NSG2: variants seen among roughly 807,000 people sequenced by gnomAD.
The protein encoded by NSG2 is neuronal vesicle trafficking-associated protein 2.
NSG2 carries 4 observed loss-of-function variants against 16.9 expected under a neutral mutation model. The ratio of observed to expected loss-of-function variants is 0.24; its 90% CI spans 0.12 to 0.54. The LOEUF is 0.54. Among genes scored for constraint, NSG2 ranks in the 20% least tolerant of loss-of-function variants. The probability of loss-of-function intolerance (pLI) is 0.95; values close to 1 mark genes in which losing one functional copy is unlikely to be tolerated. For synonymous variants in NSG2, 98 were observed against 88.7 expected (o/e 1.11, Z -0.59); for missense variants, 179 against 221.1 (o/e 0.81, Z 1.21).
intron 3 of NSG2, among the ~76,000 whole-genome samples, chr5:174,095,545 G>A (rs1760783442): frequency 6.6e-6 from 1 of 152,088 alleles, no homozygotes; most frequent in Non-Finnish European, 1.5e-5. Context: ...CTCTAATAGG[G>A]GCACTGCTTG....
intron 3 of NSG2, among the ~76,000 whole-genome samples, chr5:174,092,635 A>T (rs1158012797): frequency 6.6e-6 from 1 of 152,226 alleles, no homozygotes; most frequent in African/African-American, 2.4e-5. Flanking sequence ...TGACAACAAG[A>T]AGCATTAATT....
chr5:174,057,417 A>G lies in NSG2; in HGVS notation c.130-6815A>G, dbSNP rs143400566. On this transcript the variant is annotated intron_variant, in intron 2 of 4. Coordinates refer to ENST00000303177, the MANE Select transcript of NSG2 (RefSeq NM_015980.5). ...TTAATGCTTTCCCTTTCAGAGTACT[A>G]AAAAAAAGGAACTGTGACTTTATCG... 2.5e-3 allele frequency among the ~76,000 whole-genome samples: 374 copies of G among 152,100 alleles called. 1 individual carries two copies. Among genetic ancestry groups the G allele is most frequent in the African/African-American group, 8.1e-3 (336 of 41,480 alleles).
rs535893129 is a variant in NSG2 at position 174,047,217 on chromosome 5, C to T, written c.129+333C>T. 2.0e-5 allele frequency among the ~76,000 whole-genome samples: 3 copies of T among 152,218 alleles called. No individual in the cohort carries two copies. The South Asian group carries it at 6.2e-4, about 32-fold the overall frequency. On this transcript the variant is annotated intron_variant, in intron 2 of 4. Transcript: ENST00000303177. ...TCTTGATTATTTTGGGAAGGTCTTTCAAAAATTGACAGGTATAGATTTGAG... is the reference window on the plus strand; with the variant it reads ...TCTTGATTATTTTGGGAAGGTCTTTTAAAAATTGACAGGTATAGATTTGAG...
chr5:174,098,124 G>A (rs1760835829), intron 3 of NSG2, among the ~76,000 whole-genome samples: 1 of 152,156 alleles, frequency 6.6e-6, no homozygotes, highest in South Asian at 2.1e-4. Context: ...CAGGGCTGGA[G>A]CTGAATGCTG....
At chr5:174,064,504 G>A (rs1265888906) in intron 3 of NSG2, 189 bp downstream of exon 3, 3 of 450,882 alleles carry the variant, frequency 6.7e-6, no homozygotes, top group African/African-American at 3.9e-5. Flanking sequence ...TGCCTCTGAG[G>A]TCTATCATAT....
At chr5:174,100,319 C>A (rs917905037) in intron 3 of NSG2, among the ~76,000 whole-genome samples, 2 of 152,226 alleles carry the variant, frequency 1.3e-5, no homozygotes, top group Non-Finnish European at 2.9e-5. Context: ...ACTGCACCCC[C>A]AGAGATTCTG....
intron 3 of NSG2, among the ~76,000 whole-genome samples, chr5:174,096,858 C>T (rs1407425556): frequency 1.3e-5 from 2 of 152,124 alleles, no homozygotes; most frequent in Non-Finnish European, 2.9e-5. Flanking sequence ...GCAGCGCTGC[C>T]TCCTGCCACG....
chr5:174,048,621 A>G (rs1759837481), intron 2 of NSG2, among the ~76,000 whole-genome samples: 2 of 152,140 alleles, frequency 1.3e-5, no homozygotes, highest in Admixed American at 6.5e-5. Flanking sequence ...GAAGTGTGAA[A>G]AGAAAAGGGA....
intron 3 of NSG2, among the ~76,000 whole-genome samples, chr5:174,069,389 T>A (rs997803222): frequency 1.3e-5 from 2 of 152,106 alleles, no homozygotes; most frequent in African/African-American, 4.8e-5. Context: ...GAGTTTGGAT[T>A]TGGAAGTCAT....
chr5:174,049,288 T>C (rs1403226004), intron 2 of NSG2, among the ~76,000 whole-genome samples: 1 of 152,126 alleles, frequency 6.6e-6, no homozygotes, highest in East Asian at 1.9e-4. Context: ...TGCAGTGAGC[T>C]GAGATTGTGC....
At chr5:174,050,905 G>A (rs1344081463) in intron 2 of NSG2, among the ~76,000 whole-genome samples, 1 of 152,002 alleles carries the variant, frequency 6.6e-6, no homozygotes, top group African/African-American at 2.4e-5. Flanking sequence ...GCCTCCCCAG[G>A]GCTGTGCCTT....
chr5:174,047,007 T>A, intron 2 of NSG2, 123 bp downstream of exon 2: 1 of 957,628 alleles, frequency 1.0e-6, no homozygotes, highest in South Asian at 1.6e-5. Context: ...GCTCCCTTTC[T>A]TGTAAAATGT....
chr5:174,089,298 C>A (rs1760684368), intron 3 of NSG2, among the ~76,000 whole-genome samples: 1 of 152,198 alleles, frequency 6.6e-6, no homozygotes, highest in Admixed American at 6.5e-5. Flanking sequence ...GATTCCTGTC[C>A]TGTTGTGCCC....
intron 3 of NSG2, among the ~76,000 whole-genome samples, chr5:174,067,916 C>T (rs529838468): frequency 2.0e-5 from 3 of 152,098 alleles, no homozygotes; most frequent in East Asian, 3.9e-4. Flanking sequence ...TGGGGGGATG[C>T]TCTGAGTGTG....
intron 3 of NSG2, among the ~76,000 whole-genome samples, chr5:174,085,356 T>G (rs1258730023): frequency 6.6e-6 from 1 of 152,000 alleles, no homozygotes. Flanking sequence ...GAGCAGAGAT[T>G]AAATCCTAGT....
intron 3 of NSG2, among the ~76,000 whole-genome samples, chr5:174,096,387 G>T (rs1387542799): frequency 2.0e-5 from 3 of 152,134 alleles, no homozygotes; most frequent in African/African-American, 7.2e-5. Context: ...AGGCTGAGGA[G>T]TGGGAACTGG....
At chr5:174,067,462 C>T (rs566553172) in intron 3 of NSG2, among the ~76,000 whole-genome samples, 2 of 152,140 alleles carry the variant, frequency 1.3e-5, no homozygotes, top group Admixed American at 6.5e-5. Context: ...TCCACCCCCG[C>T]GCAGTTTGAC....
chr5:174,054,078 C>A (rs1581217233), intron 2 of NSG2, among the ~76,000 whole-genome samples: 1 of 152,230 alleles, frequency 6.6e-6, no homozygotes, highest in East Asian at 1.9e-4. Flanking sequence ...CATGTGGAAT[C>A]CTAAGCAGAG....
intron 3 of NSG2, among the ~76,000 whole-genome samples, chr5:174,069,410 C>T (rs1424711823): frequency 6.6e-6 from 1 of 152,124 alleles, no homozygotes; most frequent in East Asian, 1.9e-4. Context: ...TGGTGCTAAG[C>T]TGTGGAGAGG....
Sources: gnomAD v4.1 joint callset for allele counts (sites outside exome capture counted in the v4.1 genomes callset) on GRCh38, gnomAD v4.1.1 for gene constraint, MANE v1.5 for transcripts, NCBI Gene and HGNC (gene_info 2026-07-23, HGNC 2026-07-21) for gene names.